Variants in ZNF846 observed in about 807,000 individuals in gnomAD.
ZNF846 encodes zinc finger protein 420 pseudogene.
Under a neutral mutation model 16.0 loss-of-function variants are expected in ZNF846, and 15 were observed. That is an observed-to-expected ratio of 0.94 (90% CI 0.63 to 1.45). ZNF846 has a LOEUF of 1.45. Among genes scored for constraint, ZNF846 ranks in the 40% most tolerant of loss-of-function variants. The pLI is 0.00. For missense variants in ZNF846, 714 were observed against 622.3 expected, an observed-to-expected ratio of 1.15 and a Z score of -1.57; for synonymous variants, 229 against 212.0, an observed-to-expected ratio of 1.08 and a Z score of -0.70.
downstream of ZNF846, among the ~76,000 whole-genome samples, chr19:9,754,478 T>C (rs1303328889): frequency 6.7e-6 from 1 of 149,364 alleles, no homozygotes; most frequent in Non-Finnish European, 1.5e-5. Context: ...GCAGAGAGAA[T>C]TTCTGGAAGC....
chr19:9,750,546 C>T (rs577370940), downstream of ZNF846, among the ~76,000 whole-genome samples: 34 of 152,316 alleles, frequency 2.2e-4, no homozygotes, highest in Non-Finnish European at 4.1e-4. Context: ...CTTCCACGTA[C>T]ACCTGCCAAC....
downstream of ZNF846, chr19:9,755,772 C>A: frequency 9.2e-6 from 1 of 108,222 alleles, no homozygotes; most frequent in African/African-American, 3.7e-5. Context: ...TGCACTCCAG[C>A]CTGGGCGACA....
At chr19:9,782,842 ACT>A (rs2045515213) in intron 1 of ZNF846, among the ~76,000 whole-genome samples, 1 of 151,994 alleles carries the variant, frequency 6.6e-6, no homozygotes, top group South Asian at 2.1e-4. Context: ...ACTTCCTTTA[ACT>A]CTCTCAAAAT....
At chr19:9,777,161 A>G (rs975703020) in intron 1 of ZNF846, among the ~76,000 whole-genome samples, 6 of 151,418 alleles carry the variant, frequency 4.0e-5, no homozygotes, top group South Asian at 4.2e-4. Flanking sequence ...ACACACACAC[A>G]CACACACACA....
chr19:9,772,221 T>C (rs1385559567), upstream of ZNF846, among the ~76,000 whole-genome samples: 1 of 152,212 alleles, frequency 6.6e-6, no homozygotes, highest in Non-Finnish European at 1.5e-5. Context: ...AGTTCAAATA[T>C]TCCCAGTGCT....
At chr19:9,765,012 A>G (rs1399455116) in exon 2 of ZNF846, 7 of 1,588,284 alleles carry the variant, frequency 4.4e-6, no homozygotes, top group Non-Finnish European at 5.2e-6. Context: ...TCATGAAGAC[A>G]GAAAGTGTCC....
chr19:9,766,919 G>A (rs1478001789), intron 1 of ZNF846, among the ~76,000 whole-genome samples: 1 of 145,914 alleles, frequency 6.9e-6, no homozygotes, highest in African/African-American at 2.6e-5. Context: ...AAAAAAAAGT[G>A]TTCTCTTCAG....
intron 3 of ZNF846, 133 bp downstream of exon 3, chr19:9,763,149 A>AG (rs1316623017): frequency 1.2e-6 from 1 of 811,682 alleles, no homozygotes; most frequent in Admixed American, 3.2e-5. Context: ...TGTCTCAAAA[A>AG]AAAAAAAAAA....
rs1568324743 is a variant in ZNF846 at position 9,764,112 on chromosome 19, G to GA, written c.16-705dup. On this transcript the variant is annotated intron_variant, in intron 2 of 5. Coordinates refer to ENST00000397902, the Ensembl canonical transcript of ZNF846. ...GCAGATGTTCATAGCTCTGGGAATG[G>GA]AATGCGACCCTTGTGGAGAGCCTAT... Among the ~76,000 whole-genome samples the GA allele has an allele frequency of 2.4e-3, 371 of 152,296 alleles. 4 individuals are homozygous for GA. The highest frequency in any genetic ancestry group is 8.5e-3 in the African/African-American group (354 of 41,574).
chr19:9,774,495 A>G (rs1249820503), intron 1 of ZNF846: 2 of 1,044,776 alleles, frequency 1.9e-6, no homozygotes, highest in East Asian at 4.9e-5. Flanking sequence ...ACCAAATCCA[A>G]GATGGCGGCC....
At chr19:9,757,382 T>C (rs540803236), downstream of ZNF846, 117 of 1,039,620 alleles carry the variant, frequency 1.1e-4, 4 homozygotes, top group African/African-American at 1.8e-3. Context: ...ATATAAGATA[T>C]GGAAATTCAG....
intron 1 of ZNF846, among the ~76,000 whole-genome samples, chr19:9,778,840 C>T (rs1348391264): frequency 6.7e-6 from 1 of 150,262 alleles, no homozygotes; most frequent in Non-Finnish European, 1.5e-5. Context: ...CGCAAGGTCT[C>T]GCTATGTTGC....
At position 9,763,353 on chromosome 19, in the gene ZNF846, A is replaced by G. The variant is rs758457519; in HGVS notation, c.71T>C (p.Leu24Ser). The change falls in exon 3 of 6, where the codon TTG (leucine) becomes TCG (serine). Residue 24 changes from leucine (L) to serine (S), a missense_variant. Transcript: ENST00000397902. ...GAGATCTCTCTGGGCTTGATCCAAC[A>G]AAGTCCACTCCTCCTGGGTAAAGTC... 7.0e-5 allele frequency: 113 copies of G among 1,611,640 alleles called. No individual in the cohort carries two copies. Among genetic ancestry groups the G allele is most frequent in the Non-Finnish European group, 9.0e-5 (106 of 1,178,618 alleles).
intron 3 of ZNF846, 23 bp from the exon 4 acceptor site, chr19:9,762,191 G>A: frequency 6.3e-7 from 1 of 1,595,766 alleles, no homozygotes; most frequent in Non-Finnish European, 8.6e-7. Context: ...ATGCACAAAA[G>A]AAGAGGCCCA....
chr19:9,785,362 T>G (rs1422639198), intron 1 of ZNF846, among the ~76,000 whole-genome samples: 1 of 152,008 alleles, frequency 6.6e-6, no homozygotes, highest in Non-Finnish European at 1.5e-5. Flanking sequence ...CATGCCCAGC[T>G]AATTTTTGTA....
At chr19:9,762,718 A>G (rs1009673625) in intron 3 of ZNF846, among the ~76,000 whole-genome samples, 1 of 152,266 alleles carries the variant, frequency 6.6e-6, no homozygotes, top group Admixed American at 6.5e-5. Flanking sequence ...CTGGAAGAAG[A>G]AGAATGGCCT....
At chr19:9,764,020 C>G (rs2045273649) in intron 2 of ZNF846, among the ~76,000 whole-genome samples, 1 of 152,174 alleles carries the variant, frequency 6.6e-6, no homozygotes, top group African/African-American at 2.4e-5. Flanking sequence ...CTTCCCCCTG[C>G]ACAGAGCCTA....
Position 9,775,313 on chromosome 19 carries a change from C to A in ZNF846, c.-85-10278G>T, listed in dbSNP as rs1272253852. Among the ~76,000 whole-genome samples the A allele has an allele frequency of 2.6e-5, 4 of 151,098 alleles. No individual in the cohort carries two copies. The Admixed American group carries it at 2.6e-4, about 10-fold the overall frequency. On this transcript the variant is annotated intron_variant, in intron 1 of 4. Transcript: ENST00000586814. ...TGGGAGCACAAACGTCTGATAATAC[C>A]CAAGAAAACTCTGAAAAACAAAAGT... is the stretch of plus-strand genomic sequence containing the variant.
At chr19:9,764,133 C>T (rs572999406) in intron 2 of ZNF846, among the ~76,000 whole-genome samples, 1 of 152,254 alleles carries the variant, frequency 6.6e-6, no homozygotes, top group Admixed American at 6.5e-5. Flanking sequence ...TTGTGGAGAG[C>T]CTATAAACAG....
Sources: gnomAD v4.1 joint callset for allele counts (sites outside exome capture counted in the v4.1 genomes callset) on GRCh38, gnomAD v4.1.1 for gene constraint, MANE v1.5 for transcripts, NCBI Gene and HGNC (gene_info 2026-07-23, HGNC 2026-07-21) for gene names.